The following MGAT5 variants were observed in gnomAD, a reference collection of about 807,000 sequenced individuals.
MGAT5 encodes alpha-1,6-mannosylglycoprotein 6-beta-N-acetylglucosaminyltransferase.
Under a neutral mutation model 94.3 loss-of-function variants are expected in MGAT5, and 30 were observed. The ratio of observed to expected loss-of-function variants is 0.32; its 90% CI spans 0.24 to 0.43. The LOEUF is 0.43. Ranked by LOEUF, MGAT5 falls within the 20% of genes least tolerant of loss-of-function variation. The probability of loss-of-function intolerance (pLI) is 1.00; values close to 1 mark genes in which losing one functional copy is unlikely to be tolerated. For synonymous variants in MGAT5, 310 were observed against 322.9 expected (o/e 0.96, Z 0.43); for missense variants, 691 against 905.5 (o/e 0.76, Z 3.04).
chr2:134,226,850 ACAGGCATGTAAAG>A (rs1681090612), intron 1 of MGAT5, among the ~76,000 whole-genome samples: 1 of 152,204 alleles, frequency 6.6e-6, no homozygotes, highest in African/African-American at 2.4e-5. Context: ...GGCAGGTCAC[ACAGGCATGTAAAG>A]CAGCCTGCAT....
intron 2 of MGAT5, among the ~76,000 whole-genome samples, chr2:134,284,827 C>T (rs1205469066): frequency 2.0e-5 from 3 of 152,104 alleles, no homozygotes; most frequent in African/African-American, 4.8e-5. Flanking sequence ...CTGGGACAAT[C>T]GCATTTTATT....
At chr2:134,423,199 T>C (rs578197992) in intron 13 of MGAT5, among the ~76,000 whole-genome samples, 1 of 152,334 alleles carries the variant, frequency 6.6e-6, no homozygotes, top group South Asian at 2.1e-4. Flanking sequence ...TCATACTTGG[T>C]TCAGTGACCT....
rs543267347 is a variant in MGAT5 at position 134,451,050 on chromosome 2, A to G, written c.*2203A>G. 6.6e-6 allele frequency: 1 copy of G among 152,130 alleles called. No homozygotes were observed. Among genetic ancestry groups the G allele is most frequent in the Non-Finnish European group, 1.5e-5 (1 of 67,988 alleles). 9.4% of individuals were successfully genotyped at this position (152,130 alleles called of 1,614,324 possible). On this transcript the variant is annotated 3_prime_UTR_variant, in exon 16 of 16. Coordinates refer to ENST00000281923, the MANE Select transcript of MGAT5 (RefSeq NM_002410.5). ...GGAGCATTGAACACTGAGGATGTCA[A>G]TGCAAGTATCTGACCAACAGGGGGA...
intron 1 of MGAT5, among the ~76,000 whole-genome samples, chr2:134,193,315 C>T (rs1192425978): frequency 6.6e-6 from 1 of 152,138 alleles, no homozygotes; most frequent in East Asian, 1.9e-4. Context: ...TGGGGTCTCC[C>T]TGTGTTGCAT....
At chr2:134,336,350 A>G in intron 5 of MGAT5, 62 bp downstream of exon 5, 3 of 1,362,106 alleles carry the variant, frequency 2.2e-6, no homozygotes, top group East Asian at 2.3e-5. Context: ...CAAGTGATAC[A>G]TGTGGAATCT....
rs145434022 is a variant in MGAT5, at chr2:134,392,618, C to A, written c.1381-10370C>A. ...CCTGGTTTGTCACGTGTCAAGTCCCCGCCTACAACAACAGCATGTTGACAC... is the reference window on the plus strand; with the variant it reads ...CCTGGTTTGTCACGTGTCAAGTCCCAGCCTACAACAACAGCATGTTGACAC... On this transcript the variant is annotated intron_variant, in intron 10 of 15. Coordinates refer to ENST00000281923, the MANE Select transcript of MGAT5 (RefSeq NM_002410.5). Among the ~76,000 whole-genome samples the A allele has an allele frequency of 4.5e-3, 685 of 152,274 alleles. 5 individuals carry two copies. Among genetic ancestry groups the A allele is most frequent in the African/African-American group, 0.015 (630 of 41,546 alleles).
At chr2:134,381,399 T>TAAGATA (rs879455351) in intron 10 of MGAT5, among the ~76,000 whole-genome samples, 5 of 84,612 alleles carry the variant, frequency 5.9e-5, no homozygotes, top group South Asian at 3.7e-4. Flanking sequence ...GATAGATAGA[T>TAAGATA]AGATAGATAG....
At chr2:134,192,399 A>G (rs1314097218) in intron 1 of MGAT5, among the ~76,000 whole-genome samples, 3 of 152,036 alleles carry the variant, frequency 2.0e-5, no homozygotes, top group Non-Finnish European at 4.4e-5. Context: ...TCTGTTCTTT[A>G]CTTGTCTCAG....
At chr2:134,196,767 G>T (rs961629082) in intron 1 of MGAT5, among the ~76,000 whole-genome samples, 1 of 152,202 alleles carries the variant, frequency 6.6e-6, no homozygotes, top group Non-Finnish European at 1.5e-5. Context: ...AGCTCATCAG[G>T]TTTCCTTACT....
At chr2:134,224,722 A>G (rs1314658182) in intron 1 of MGAT5, among the ~76,000 whole-genome samples, 1 of 152,160 alleles carries the variant, frequency 6.6e-6, no homozygotes, top group Non-Finnish European at 1.5e-5. Flanking sequence ...CTTAGGGTTG[A>G]TTGCTAATAG....
At chr2:134,150,974 C>T (rs1687139092) in intron 1 of MGAT5, among the ~76,000 whole-genome samples, 1 of 152,164 alleles carries the variant, frequency 6.6e-6, no homozygotes, top group African/African-American at 2.4e-5. Context: ...GTGACTTGGG[C>T]TGGTGCCAAA....
chr2:134,147,209 A>G (rs1686960140), intron 1 of MGAT5, among the ~76,000 whole-genome samples: 1 of 152,212 alleles, frequency 6.6e-6, no homozygotes, highest in African/African-American at 2.4e-5. Flanking sequence ...GGATGTGAGC[A>G]TTAGAATACT....
At chr2:134,321,818 C>T (rs575633621) in intron 4 of MGAT5, among the ~76,000 whole-genome samples, 18 of 152,208 alleles carry the variant, frequency 1.2e-4, no homozygotes, top group African/African-American at 4.1e-4. Flanking sequence ...ATTGTAAAAG[C>T]AACAGGAAGA....
chr2:134,218,455 A>G (rs1394338881), intron 1 of MGAT5, among the ~76,000 whole-genome samples: 1 of 152,204 alleles, frequency 6.6e-6, no homozygotes, highest in East Asian at 1.9e-4. Context: ...TGGGTTCACT[A>G]CTGATGCAGG....
intron 9 of MGAT5, among the ~76,000 whole-genome samples, chr2:134,354,442 G>T (rs1679593068): frequency 6.6e-6 from 1 of 152,160 alleles, no homozygotes; most frequent in African/African-American, 2.4e-5. Context: ...ATACACCATT[G>T]GGATGCATCT....
intron 1 of MGAT5, among the ~76,000 whole-genome samples, chr2:134,183,600 A>C (rs937218142): frequency 6.6e-6 from 1 of 152,194 alleles, no homozygotes; most frequent in African/African-American, 2.4e-5. Context: ...TAATAGTTGA[A>C]GTTTGGGCCA....
intron 1 of MGAT5, among the ~76,000 whole-genome samples, chr2:134,245,300 C>A (rs1488652734): frequency 6.6e-6 from 1 of 152,326 alleles, no homozygotes; most frequent in East Asian, 1.9e-4. Context: ...TGAGCCACAG[C>A]GCCCAGCCCC....
chr2:134,359,901 G>T (rs1007775286), intron 9 of MGAT5, among the ~76,000 whole-genome samples: 1 of 152,204 alleles, frequency 6.6e-6, no homozygotes, highest in East Asian at 1.9e-4. Flanking sequence ...CACTGGGCCG[G>T]TAGTTACTTC....
At chr2:134,218,863 T>C (rs1287272868) in intron 1 of MGAT5, among the ~76,000 whole-genome samples, 2 of 152,338 alleles carry the variant, frequency 1.3e-5, no homozygotes, top group South Asian at 2.1e-4. Flanking sequence ...CTTTTATTCA[T>C]TGATTCTGTT....
Sources: allele counts gnomAD v4.1 joint callset (sites outside exome capture counted in the v4.1 genomes callset), GRCh38; gene constraint gnomAD v4.1.1; transcripts MANE v1.5; gene names NCBI Gene and HGNC (gene_info 2026-07-23, HGNC 2026-07-21).